Variants in TTBK1 observed in about 807,000 individuals in gnomAD.
TTBK1 encodes tau tubulin kinase 1.
TTBK1 carries 34 observed loss-of-function variants against 108.5 expected under a neutral mutation model. That is an observed-to-expected ratio of 0.31 (90% confidence interval 0.24 to 0.42). TTBK1 has a LOEUF of 0.42. TTBK1 is among the 10% of genes least tolerant of loss of function. The pLI is 1.00. For missense variants in TTBK1, 1,539 were observed against 1,826.0 expected (o/e 0.84, Z 2.86); for synonymous variants, 809 against 795.1 (o/e 1.02, Z -0.29).
In TTBK1 at chr6:43,246,594, C is replaced by T; in HGVS notation, c.-54-13C>T. 7.5e-7 allele frequency: 1 copy of T among 1,328,280 alleles called. No homozygotes were observed. The highest frequency in any genetic ancestry group is 1.0e-6 in the Non-Finnish European group (1 of 964,574). The allele number at this position is 1,328,280 out of a possible 1,614,324, so 82.3% of individuals were successfully genotyped here. On this transcript the variant is annotated splice_polypyrimidine_tract_variant and intron_variant, in intron 1 of 14. Coordinates refer to ENST00000259750, the MANE Select transcript of TTBK1 (RefSeq NM_032538.3). ...CCGCAGCCCGCCCTCACAGGCCCTC[C>T]TCACTCCCCTAGGTAGATGGCCCCC...
At chr6:43,272,097 C>A in intron 13 of TTBK1, 1 of 985,528 alleles carries the variant, frequency 1.0e-6, no homozygotes, top group Non-Finnish European at 1.2e-6. Context: ...CCCCAGCCAC[C>A]TCCTCTTGCC....
chr6:43,247,394 G>A (rs1205489395), intron 2 of TTBK1, among the ~76,000 whole-genome samples: 1 of 152,150 alleles, frequency 6.6e-6, no homozygotes, highest in Non-Finnish European at 1.5e-5. Flanking sequence ...GCCTCGGAGC[G>A]GGGGCGTGAG....
Position 43,246,786 on chromosome 6 carries a change from C to G in TTBK1, c.108+18C>G, listed in dbSNP as rs1314428663. 2 of 1,593,628 alleles carry G rather than the reference C, an allele frequency of 1.3e-6. No homozygotes were observed. The highest frequency in any genetic ancestry group is 1.3e-5 in the African/African-American group (1 of 74,362). On this transcript the variant is annotated intron_variant, in intron 2 of 14. Coordinates refer to ENST00000259750, the MANE Select transcript of TTBK1 (RefSeq NM_032538.3). ...GGAAGGTGGTGAGTGAGTGACCCGG[C>G]GGGACAGAGGGAGGGTAGCGGGGAG...
intron 2 of TTBK1, among the ~76,000 whole-genome samples, chr6:43,251,323 G>C (rs143985448): frequency 5.2e-4 from 79 of 152,350 alleles, no homozygotes; most frequent in African/African-American, 1.7e-3. Flanking sequence ...TGGTTGATCA[G>C]AGTCGCAAGC....
chr6:43,256,982 G>A (rs368509772), intron 9 of TTBK1, among the ~76,000 whole-genome samples: 1 of 152,136 alleles, frequency 6.6e-6, no homozygotes, highest in Non-Finnish European at 1.5e-5. Context: ...GAGAATGGGG[G>A]AAACATCAGC....
At chr6:43,270,355 G>T in intron 13 of TTBK1, 1 of 1,011,948 alleles carries the variant, frequency 9.9e-7, no homozygotes, top group Non-Finnish European at 1.2e-6. Flanking sequence ...TGATCTCTTG[G>T]CATGGCTGGG....
chr6:43,257,018 C>T lies in TTBK1; in HGVS notation c.862-794C>T, dbSNP rs955163432. ...AGTGTTCTGCCTGGGATCCACTACACGCCAGGCACGATGCTGCATACTGTA... is the reference window on the plus strand; with the variant it reads ...AGTGTTCTGCCTGGGATCCACTACATGCCAGGCACGATGCTGCATACTGTA... On this transcript the variant is annotated intron_variant, in intron 9 of 14. Transcript: ENST00000259750. The surrounding 1 kb of genome is among the most constrained non-coding windows in gnomAD (Gnocchi z 4.5). Among the ~76,000 whole-genome samples the T allele has an allele frequency of 6.6e-5, 10 of 152,214 alleles. No individual in the cohort carries two copies. Among genetic ancestry groups the T allele is most frequent in the African/African-American group, 1.9e-4 (8 of 41,450 alleles).
At chr6:43,245,334 G>C (rs1562079081) in intron 1 of TTBK1, among the ~76,000 whole-genome samples, 1 of 152,110 alleles carries the variant, frequency 6.6e-6, no homozygotes, top group Non-Finnish European at 1.5e-5. Context: ...GGGCACGGTA[G>C]TGTGCTTCTA....
chr6:43,283,781 T>C lies in TTBK1; in HGVS notation c.3041T>C (p.Leu1014Pro), dbSNP rs1476872264. 9 of 1,582,640 alleles carry C rather than the reference T, an allele frequency of 5.7e-6. No homozygotes were observed. The highest frequency in any genetic ancestry group is 6.9e-6 in the Non-Finnish European group (8 of 1,163,716). The stretch of plus-strand genomic sequence containing the variant: ...CCCTCAGAGATGGCCACAAACTCAC[T>C]GCCCAATGGCCCGGCCCTTGCAGAC... ...ETPSEMATNS[L>P]PNGPALADGP... Residue 1014 changes from leucine (L) to proline (P), a missense_variant, in exon 14 of 15, where the codon CTG becomes CCG. By Grantham distance (98) the Leu-to-Pro change is moderately conservative (BLOSUM62 -3). Coordinates refer to ENST00000259750, the MANE Select transcript of TTBK1 (RefSeq NM_032538.3). The surrounding 1 kb of genome is among the most constrained non-coding windows in gnomAD (Gnocchi z 8.1).
At position 43,285,983 on chromosome 6, in the gene TTBK1, A is replaced by G. The variant is rs1778372998; in HGVS notation, c.*607A>G. ...AGGCTGGGTTGGGGACCCAGGGAAC[A>G]TCGGTCTACTCAGGTGTGAGGGGGC... On this transcript the variant is annotated 3_prime_UTR_variant, in exon 15 of 15. Transcript: ENST00000259750. The surrounding 1 kb of genome is among the most constrained non-coding windows in gnomAD (Gnocchi z 4.7). 6.5e-6 allele frequency: 1 copy of G among 152,732 alleles called. No homozygotes were observed. The highest frequency in any genetic ancestry group is 6.5e-5 in the Admixed American group (1 of 15,280). 9.5% of individuals were successfully genotyped at this position (152,732 alleles called of 1,614,324 possible).
rs778985049 is a variant in TTBK1, at chr6:43,283,280, C to T, written c.2540C>T (p.Ser847Leu). 1.3e-5 allele frequency: 20 copies of T among 1,562,688 alleles called. No individual in the cohort carries two copies. Among genetic ancestry groups the T allele is most frequent in the Admixed American group, 1.9e-5 (1 of 52,706 alleles). The change falls in exon 14 of 15, where the codon TCG becomes TTG. Residue 847 changes from serine to leucine, a missense_variant. This residue lies in a region of TTBK1 where 1,055 missense variants were observed against 1,086.5 expected (regional missense o/e 0.97). Transcript: ENST00000259750. This position sits in a 1 kb window ranked among gnomAD's most constrained non-coding sequence, Gnocchi z 8.1. ...VLVSPGDMKKSPVTAELAPDP... is the reference protein window; with the variant it reads ...VLVSPGDMKKLPVTAELAPDP... The stretch of plus-strand genomic sequence containing the variant: ...GTCTCTCCTGGCGACATGAAGAAGT[C>T]GCCCGTCACTGCCGAACTGGCCCCC...
chr6:43,254,636 G>T lies in TTBK1; in HGVS notation c.561G>T (p.Thr187=), dbSNP rs55753701. The change falls in exon 6 of 15, where the codon ACG becomes ACT. Residue 187 remains threonine, a synonymous_variant. Coordinates refer to ENST00000259750, the MANE Select transcript of TTBK1 (RefSeq NM_032538.3). ...FGLARQYTNT[T]GDVRPPRNVA... Reference sequence around the variant, plus strand: ...TGGCCCGGCAGTACACCAACACCACGGGGGATGTGCGGCCCGTGAGTACCG... The same window carrying T: ...TGGCCCGGCAGTACACCAACACCACTGGGGATGTGCGGCCCGTGAGTACCG... The T allele has an allele frequency of 3.8e-6, 6 of 1,581,844 alleles. No individual in the cohort carries two copies. The Admixed American group carries it at 1.1e-4, about 29-fold the overall frequency.
At chr6:43,244,678 C>A (rs911603160) in intron 1 of TTBK1, among the ~76,000 whole-genome samples, 1 of 152,196 alleles carries the variant, frequency 6.6e-6, no homozygotes, top group Admixed American at 6.5e-5. Flanking sequence ...TCATCTGTTT[C>A]TTTTTGGTTT....
intron 6 of TTBK1, 128 bp from the exon 7 acceptor site, chr6:43,254,921 A>G (rs1777344770): frequency 1.0e-6 from 1 of 967,758 alleles, no homozygotes; most frequent in African/African-American, 1.6e-5. Flanking sequence ...CTGGAAGGTC[A>G]GAGAGCAGGC....
intron 2 of TTBK1, among the ~76,000 whole-genome samples, chr6:43,248,722 C>T (rs1777163494): frequency 6.6e-6 from 1 of 152,054 alleles, no homozygotes; most frequent in Non-Finnish European, 1.5e-5. Context: ...GACTCCTCCT[C>T]TAAATAAATA....
intron 2 of TTBK1, among the ~76,000 whole-genome samples, chr6:43,251,410 A>G (rs1288584675): frequency 1.3e-5 from 2 of 152,222 alleles, no homozygotes; most frequent in African/African-American, 4.8e-5. Context: ...CGAGGGGGTG[A>G]GCATCAAGCT....
chr6:43,260,370 T>C (rs1777507182), intron 12 of TTBK1, among the ~76,000 whole-genome samples: 1 of 152,162 alleles, frequency 6.6e-6, no homozygotes, highest in African/African-American at 2.4e-5. Context: ...CTGAGAGATG[T>C]TTCCATCTTC....
At position 43,282,993 on chromosome 6, in the gene TTBK1, A is replaced by G. The variant is rs557847239; in HGVS notation, c.2253A>G (p.Glu751=). 2 of 1,602,468 alleles carry G rather than the reference A, an allele frequency of 1.2e-6. No individual in the cohort carries two copies. The highest frequency in any genetic ancestry group is 1.1e-5 in the South Asian group (1 of 90,044). The change falls in exon 14 of 15, where the codon GAA becomes GAG. Residue 751 remains glutamate (E), a synonymous_variant. Transcript: ENST00000259750. The surrounding 1 kb of genome is among the most constrained non-coding windows in gnomAD (Gnocchi z 5.4). ...DEEEEEEDEE[E]EEEEEEEEEE... is the part of the protein sequence containing the mutation. ...AAGAGGAAGAAGAGGATGAGGAAGA[A>G]GAAGAGGAGGAAGAGGAAGAGGAGG...
In TTBK1 at chr6:43,269,422, G is replaced by A. The variant is rs1333821455; in HGVS notation, c.1986+6072G>A. On this transcript the variant is annotated intron_variant, in intron 13 of 14. Transcript: ENST00000259750. The surrounding 1 kb of genome is among the most constrained non-coding windows in gnomAD (Gnocchi z 4.8). Reference sequence around the variant, plus strand: ...AGAGACCATAGTGTGAGAAGTTCCAGAGAGAAGGAGGAGGGGGAAGGGCGT... The same window carrying A: ...AGAGACCATAGTGTGAGAAGTTCCAAAGAGAAGGAGGAGGGGGAAGGGCGT... Among the ~76,000 whole-genome samples the A allele has an allele frequency of 6.6e-6, 1 of 152,208 alleles. No individual in the cohort carries two copies. Among genetic ancestry groups the A allele is most frequent in the Non-Finnish European group, 1.5e-5 (1 of 68,026 alleles).
Sources: gnomAD v4.1 joint callset for allele counts (sites outside exome capture counted in the v4.1 genomes callset) on GRCh38, gnomAD v4.1.1 for gene constraint, gnomAD v4.1.1 regional missense constraint, Gnocchi (gnomAD v3.1) non-coding constraint, MANE v1.5 for transcripts, NCBI Gene and HGNC (gene_info 2026-07-23, HGNC 2026-07-21) for gene names.